SAXO1: variants seen among roughly 807,000 people sequenced by gnomAD.
SAXO1 encodes 4930500O09Rik.
Under a neutral mutation model 17.5 loss-of-function variants are expected in SAXO1, and 21 were observed. The ratio of observed to expected loss-of-function variants is 1.20; its 90% confidence interval spans 0.85 to 1.72. SAXO1 has a LOEUF of 1.72. SAXO1 is among the 40% of genes most tolerant of loss of function. SAXO1 has a pLI of 0.00. For missense variants in SAXO1, 843 were observed against 596.0 expected (o/e 1.41, Z -4.32); for synonymous variants, 274 against 216.5 (o/e 1.27, Z -2.33).
intron 1 of SAXO1, among the ~76,000 whole-genome samples, chr9:19,006,028 G>C (rs967187638): frequency 2.0e-5 from 3 of 152,180 alleles, no homozygotes; most frequent in Non-Finnish European, 2.9e-5. Flanking sequence ...AAGATTTTCA[G>C]TATCACTAGT....
intron 1 of SAXO1, among the ~76,000 whole-genome samples, chr9:18,994,120 G>T (rs1319666162): frequency 6.6e-6 from 1 of 152,146 alleles, no homozygotes; most frequent in African/African-American, 2.4e-5. Context: ...AATAAAACAG[G>T]TTACTGTAGC....
In SAXO1 at chr9:18,928,585, C is replaced by T. The variant is rs569880274; in HGVS notation, c.892G>A (p.Glu298Lys). ...GTTGTCAGAAGATCCATCCTGTCTT[C>T]GGGAGGGACGTAGGTGATGGGAGCT... Reference protein sequence around the residue: ...SKAPITYVPPEDRMDLLTTVQ... With the variant: ...SKAPITYVPPKDRMDLLTTVQ... The change falls in exon 4 of 4, where the codon GAA becomes AAA. Residue 298 changes from glutamate (E) to lysine (K), a missense_variant. Coordinates refer to ENST00000380534, the MANE Select transcript of SAXO1 (RefSeq NM_153707.4). The T allele has an allele frequency of 4.3e-6, 7 of 1,613,878 alleles. No individual in the cohort carries two copies. Among genetic ancestry groups the T allele is most frequent in the East Asian group, 2.2e-5 (1 of 44,868 alleles).
chr9:19,040,762 G>C (rs1029810408), intron 1 of SAXO1, among the ~76,000 whole-genome samples: 7 of 152,110 alleles, frequency 4.6e-5, no homozygotes, highest in Non-Finnish European at 8.8e-5. Context: ...ACAGAAAGCA[G>C]ACCAGCAGTT....
intron 1 of SAXO1, among the ~76,000 whole-genome samples, chr9:18,976,363 G>T (rs779688053): frequency 6.6e-6 from 1 of 152,184 alleles, no homozygotes; most frequent in South Asian, 2.1e-4. Flanking sequence ...CAGGGAGAGA[G>T]CTCTTGCTAC....
intron 1 of SAXO1, among the ~76,000 whole-genome samples, chr9:18,983,209 G>T (rs1016605824): frequency 3.9e-5 from 6 of 152,168 alleles, no homozygotes; most frequent in Middle Eastern, 3.2e-3. Context: ...TTCTGCAATG[G>T]CTGGGGAGGC....
intron 1 of SAXO1, among the ~76,000 whole-genome samples, chr9:18,986,123 T>A (rs999031247): frequency 1.3e-5 from 2 of 152,226 alleles, no homozygotes; most frequent in African/African-American, 4.8e-5. Flanking sequence ...TAGCTTTGGG[T>A]CCTTCTGTGA....
At chr9:19,048,695 C>A (rs944950589) in intron 1 of SAXO1, among the ~76,000 whole-genome samples, 2 of 152,188 alleles carry the variant, frequency 1.3e-5, no homozygotes, top group Admixed American at 1.3e-4. Flanking sequence ...GTAACTTGGT[C>A]AAGTGACTTA....
At chr9:19,002,211 C>A (rs1271640169) in intron 1 of SAXO1, among the ~76,000 whole-genome samples, 3 of 152,172 alleles carry the variant, frequency 2.0e-5, no homozygotes, top group African/African-American at 7.2e-5. Flanking sequence ...AGTTGAATCT[C>A]TGCATAGACC....
Position 18,928,778 on chromosome 9 carries a change from G to C in SAXO1, c.699C>G (p.Pro233=), listed in dbSNP as rs778883210. 3.6e-5 allele frequency: 58 copies of C among 1,614,048 alleles called. No individual in the cohort carries two copies. In the East Asian group the frequency reaches 1.3e-3, roughly 36 times the overall value. The change falls in exon 4 of 4, where the codon CCC becomes CCG. Residue 233 remains proline (P), a synonymous_variant. Transcript: ENST00000380534. ...EAEKFRPCEI[P]FESLTTQKQS... ...GTTTTTGAGTGGTAAGGCTTTCAAA[G>C]GGGATTTCACAGGGCCTGAACTTCT...
chr9:18,980,520 G>A (rs1275609955), intron 1 of SAXO1, among the ~76,000 whole-genome samples: 2 of 135,382 alleles, frequency 1.5e-5, no homozygotes, highest in Non-Finnish European at 3.2e-5. Context: ...TGAGCAGCAA[G>A]GTAGTGGCGG....
chr9:19,039,045 C>T (rs1304316532), intron 1 of SAXO1, among the ~76,000 whole-genome samples: 1 of 152,002 alleles, frequency 6.6e-6, no homozygotes, highest in Non-Finnish European at 1.5e-5. Context: ...TGTATACCAT[C>T]TGAAAAGCAA....
At chr9:18,963,725 A>G (rs1283925111) in intron 1 of SAXO1, among the ~76,000 whole-genome samples, 1 of 152,194 alleles carries the variant, frequency 6.6e-6, no homozygotes, top group East Asian at 1.9e-4. Context: ...ATATACAATC[A>G]TGTCAACTGC....
At position 19,020,358 on chromosome 9, in the gene SAXO1, TTG is replaced by T. The variant is rs78049275; in HGVS notation, c.38+12511_38+12512del. Among the ~76,000 whole-genome samples the T allele has an allele frequency of 3.6e-3, 407 of 113,306 alleles. 2 individuals are homozygous for T. The highest frequency in any genetic ancestry group is 5.4e-3 in the East Asian group (21 of 3,920). The allele number at this position is 113,306 out of a possible 152,430, so 74.3% of individuals were successfully genotyped here. ...CTGTCGAAATAATTTTTTTTTTTTT[TTG>T]TGAGACAGGGTCTTGCCTTGTTTCC... On this transcript the variant is annotated intron_variant, in intron 1 of 3. Coordinates refer to ENST00000380534, the MANE Select transcript of SAXO1 (RefSeq NM_153707.4).
At position 19,010,149 on chromosome 9, in the gene SAXO1, A is replaced by C. The variant is rs200280493; in HGVS notation, c.38+22722T>G. 8.3e-4 allele frequency among the ~76,000 whole-genome samples: 125 copies of C among 151,240 alleles called. No homozygotes were observed. The East Asian group carries it at 0.02, about 24-fold the overall frequency. On this transcript the variant is annotated intron_variant, in intron 1 of 3. Transcript: ENST00000380534. ...TGGCCTACATTTTTAATCTAAAAAA[A>C]AACAACAACAACAACAAAAACACCT...
chr9:18,964,825 C>T (rs1452668182), intron 1 of SAXO1, among the ~76,000 whole-genome samples: 1 of 152,168 alleles, frequency 6.6e-6, no homozygotes, highest in Non-Finnish European at 1.5e-5. Context: ...TCTTGCTTCT[C>T]TAGTTCTTTT....
chr9:19,046,714 A>AG (rs914806222), intron 1 of SAXO1, among the ~76,000 whole-genome samples: 4 of 151,564 alleles, frequency 2.6e-5, no homozygotes, highest in Non-Finnish European at 5.9e-5. Context: ...GAAAAAAAAA[A>AG]AAAAAATTAA....
intron 1 of SAXO1, among the ~76,000 whole-genome samples, chr9:19,002,278 G>A (rs1179377665): frequency 6.6e-6 from 1 of 152,102 alleles, no homozygotes; most frequent in Non-Finnish European, 1.5e-5. Context: ...AAAAAGTCCA[G>A]GACCAGATGG....
chr9:19,002,578 G>A (rs1272770323), intron 1 of SAXO1, among the ~76,000 whole-genome samples: 4 of 152,168 alleles, frequency 2.6e-5, no homozygotes, highest in Admixed American at 2.0e-4. Flanking sequence ...GGGATACAAG[G>A]CTGGTTCAAC....
intron 1 of SAXO1, among the ~76,000 whole-genome samples, chr9:18,959,309 C>G (rs2131750245): frequency 6.6e-6 from 1 of 151,942 alleles, no homozygotes; most frequent in Non-Finnish European, 1.5e-5. Context: ...CTCTGATGAA[C>G]AAAAATAATC....
Sources: gnomAD v4.1 joint callset for allele counts (sites outside exome capture counted in the v4.1 genomes callset) on GRCh38, gnomAD v4.1.1 for gene constraint, MANE v1.5 for transcripts, NCBI Gene and HGNC (gene_info 2026-07-23, HGNC 2026-07-21) for gene names.